The following GPATCH2 variants were observed in gnomAD, a reference collection of about 807,000 sequenced individuals.
The protein encoded by GPATCH2 is G-patch domain containing 2, also known as G patch domain-containing protein 2.
A neutral mutation model predicts 58.0 loss-of-function variants in GPATCH2; 51 were observed. The ratio of observed to expected loss-of-function variants is 0.88; its 90% CI spans 0.70 to 1.11. GPATCH2 has a LOEUF of 1.11. Ranked by LOEUF, GPATCH2 falls within the 50% of genes most tolerant of loss-of-function variation. The pLI is 0.00. For synonymous variants in GPATCH2, 222 were observed against 218.5 expected, an observed-to-expected ratio of 1.02 and a Z score of -0.14; for missense variants, 625 against 652.2, an observed-to-expected ratio of 0.96 and a Z score of 0.45.
At chr1:217,500,621 G>T (rs1662248787) in intron 6 of GPATCH2, among the ~76,000 whole-genome samples, 4 of 152,018 alleles carry the variant, frequency 2.6e-5, no homozygotes, top group African/African-American at 7.2e-5. Flanking sequence ...ATGTGATCTG[G>T]ATTTCTTTCC....
chr1:217,452,187 C>A (rs942696334), intron 8 of GPATCH2, among the ~76,000 whole-genome samples: 3 of 152,130 alleles, frequency 2.0e-5, no homozygotes, highest in Non-Finnish European at 4.4e-5. Flanking sequence ...AGGGAGGAGA[C>A]CAACTAGGTT....
intron 6 of GPATCH2, among the ~76,000 whole-genome samples, chr1:217,509,091 G>T (rs959166222): frequency 2.0e-5 from 3 of 152,158 alleles, no homozygotes; most frequent in Non-Finnish European, 4.4e-5. Context: ...CATAATCCCA[G>T]CACTTTGGGA....
At chr1:217,525,778 C>G (rs528429203) in intron 5 of GPATCH2, among the ~76,000 whole-genome samples, 1 of 151,968 alleles carries the variant, frequency 6.6e-6, no homozygotes, top group South Asian at 2.1e-4. Flanking sequence ...TGAGACTCAG[C>G]AAACATGTTT....
intron 8 of GPATCH2, among the ~76,000 whole-genome samples, chr1:217,451,010 T>C (rs1460567194): frequency 1.3e-5 from 2 of 152,016 alleles, no homozygotes; most frequent in South Asian, 2.1e-4. Flanking sequence ...AAAGAGAAGA[T>C]GGGAGATACA....
chr1:217,428,510 T>C lies in GPATCH2; in HGVS notation c.*2635A>G, dbSNP rs947110903. On this transcript the variant is annotated 3_prime_UTR_variant, in exon 10 of 10. Transcript: ENST00000366935. Reference sequence around the variant, plus strand: ...GTTTGTTTCTCCAATTAAGTTCAGGTACAACCAGAACATCAGGTCTGTACT... The same window carrying C: ...GTTTGTTTCTCCAATTAAGTTCAGGCACAACCAGAACATCAGGTCTGTACT... 1.3e-5 allele frequency: 2 copies of C among 152,180 alleles called. No homozygotes were observed. The highest frequency in any genetic ancestry group is 4.1e-4 in the South Asian group (2 of 4,830). The allele number at this position is 152,180 out of a possible 1,614,324, so 9.4% of individuals were successfully genotyped here.
At chr1:217,448,983 A>G (rs1312464986) in intron 9 of GPATCH2, among the ~76,000 whole-genome samples, 1 of 152,132 alleles carries the variant, frequency 6.6e-6, no homozygotes, top group African/African-American at 2.4e-5. Context: ...GAGGCCAAAG[A>G]TATAGCCTTT....
intron 5 of GPATCH2, among the ~76,000 whole-genome samples, chr1:217,521,358 C>CAA (rs35333815): frequency 9.9e-6 from 1 of 101,168 alleles, no homozygotes; most frequent in African/African-American, 4.3e-5. Context: ...AGGGAGACTG[C>CAA]AAAAAAAAAA....
At chr1:217,597,842 A>G (rs1031642676) in intron 5 of GPATCH2, among the ~76,000 whole-genome samples, 2 of 152,168 alleles carry the variant, frequency 1.3e-5, no homozygotes, top group Non-Finnish European at 2.9e-5. Flanking sequence ...TGTCACAGGG[A>G]AATCCCTACG....
intron 5 of GPATCH2, among the ~76,000 whole-genome samples, chr1:217,584,039 G>T (rs1252668324): frequency 6.6e-6 from 1 of 151,878 alleles, no homozygotes. Flanking sequence ...AAATGATCCT[G>T]CAAAGAAAGA....
intron 6 of GPATCH2, among the ~76,000 whole-genome samples, chr1:217,512,854 T>C (rs146726195): frequency 0.013 from 1,965 of 152,292 alleles, 25 homozygotes; most frequent in Middle Eastern, 0.041. Flanking sequence ...GCAATGAACA[T>C]ATCAGCTGAG....
chr1:217,462,719 T>C (rs1344751288), intron 8 of GPATCH2, among the ~76,000 whole-genome samples: 6 of 152,212 alleles, frequency 3.9e-5, no homozygotes, highest in African/African-American at 1.4e-4. Context: ...TGGGGAAATC[T>C]TTTTCTTCAA....
chr1:217,581,185 C>T (rs917098341), intron 5 of GPATCH2, among the ~76,000 whole-genome samples: 3 of 152,196 alleles, frequency 2.0e-5, no homozygotes, highest in Non-Finnish European at 4.4e-5. Flanking sequence ...TCTAGCCTCA[C>T]GGTCTGTGTC....
intron 5 of GPATCH2, among the ~76,000 whole-genome samples, chr1:217,607,030 A>C (rs1668392780): frequency 6.6e-6 from 1 of 152,188 alleles, no homozygotes; most frequent in South Asian, 2.1e-4. Context: ...CAGAGTGTGG[A>C]TTCACAAAGG....
chr1:217,549,988 TCTGTAAGGAATAA>T (rs1665267752), intron 5 of GPATCH2, among the ~76,000 whole-genome samples: 1 of 152,178 alleles, frequency 6.6e-6, no homozygotes, highest in South Asian at 2.1e-4. Context: ...ACGGGAGAAC[TCTGTAAGGAATAA>T]CTGTCTATTC....
chr1:217,558,052 T>C (rs1318183709), intron 5 of GPATCH2, among the ~76,000 whole-genome samples: 2 of 152,218 alleles, frequency 1.3e-5, no homozygotes, highest in African/African-American at 4.8e-5. Flanking sequence ...TCATCAATCT[T>C]GAATTTAAAA....
chr1:217,564,044 C>CA (rs1666069690), intron 5 of GPATCH2, among the ~76,000 whole-genome samples: 1 of 33,256 alleles, frequency 3.0e-5, no homozygotes, highest in Non-Finnish European at 5.1e-5. Context: ...AACTCCGTCT[C>CA]GAAAAAAAAA....
intron 6 of GPATCH2, among the ~76,000 whole-genome samples, chr1:217,505,992 T>C (rs1412798101): frequency 6.6e-6 from 1 of 152,150 alleles, no homozygotes; most frequent in Non-Finnish European, 1.5e-5. Context: ...CAGCTAATTT[T>C]TGTATTTTTG....
intron 5 of GPATCH2, among the ~76,000 whole-genome samples, chr1:217,529,157 A>C (rs1252399468): frequency 6.6e-6 from 1 of 152,206 alleles, no homozygotes; most frequent in Non-Finnish European, 1.5e-5. Flanking sequence ...AACTGCAAGA[A>C]CAAGCATTTG....
Position 217,595,434 on chromosome 1 carries a change from C to A in GPATCH2, c.1098+14887G>T, listed in dbSNP as rs926919196. On this transcript the variant is annotated intron_variant, in intron 5 of 9. Coordinates refer to ENST00000366935, the MANE Select transcript of GPATCH2 (RefSeq NM_018040.5). ...GCTCTAGCTGAAAATATGGAAAAAG[C>A]GTATTATTCTGAGAATTTTAATTTG... 3.3e-5 allele frequency among the ~76,000 whole-genome samples: 5 copies of A among 151,550 alleles called. No individual in the cohort carries two copies. The South Asian group carries it at 1.0e-3, about 31-fold the overall frequency.
Sources: gnomAD v4.1 joint callset for allele counts (sites outside exome capture counted in the v4.1 genomes callset) on GRCh38, gnomAD v4.1.1 for gene constraint, MANE v1.5 for transcripts, NCBI Gene and HGNC (gene_info 2026-07-23, HGNC 2026-07-21) for gene names.